The following STRN3 variants were observed in gnomAD, a reference collection of about 807,000 sequenced individuals.
STRN3 encodes the protein striatin-3.
In STRN3, 29 loss-of-function variants were observed where a neutral mutation model predicts 95.6. That is an observed-to-expected ratio of 0.30 (90% CI 0.23 to 0.41). The LOEUF (loss-of-function observed/expected upper bound fraction) is 0.41. STRN3 is among the 10% of genes least tolerant of loss of function. The pLI, the probability that STRN3 is intolerant of heterozygous loss-of-function variation, is 1.00. For synonymous variants in STRN3, 331 were observed against 357.6 expected (o/e 0.93, Z 0.84); for missense variants, 890 against 972.1 (o/e 0.92, Z 1.12).
chr14:30,906,969 T>G lies in STRN3; in HGVS notation c.1796A>C (p.Asn599Thr). ...VWGLAYSGIK[N>T]QLLSCSADGT... ...ATCTGCTGAACAAGACAGTAATTGA[T>G]TTTTTATGCCACTATAAGCAAGACC... Residue 599 changes from asparagine to threonine, a missense_variant, in exon 14 of 18, where the codon AAT (asparagine) becomes ACT (threonine). Transcript: ENST00000357479. 1 of 1,613,942 alleles carries G rather than the reference T, an allele frequency of 6.2e-7. No homozygotes were observed. The highest frequency in any genetic ancestry group is 8.5e-7 in the Non-Finnish European group (1 of 1,179,896).
intron 1 of STRN3, among the ~76,000 whole-genome samples, chr14:30,969,543 T>C (rs1471789170): frequency 1.3e-5 from 2 of 152,086 alleles, no homozygotes; most frequent in East Asian, 1.9e-4. Context: ...CACACTAATA[T>C]AAAGGTGAAA....
intron 1 of STRN3, among the ~76,000 whole-genome samples, chr14:30,993,195 C>A (rs1882042378): frequency 6.7e-6 from 1 of 148,300 alleles, no homozygotes; most frequent in Non-Finnish European, 1.5e-5. Flanking sequence ...GTTGAGGTTG[C>A]AGTGAGCTAT....
chr14:30,935,839 G>T (rs1878789074), intron 6 of STRN3, among the ~76,000 whole-genome samples: 1 of 152,178 alleles, frequency 6.6e-6, no homozygotes, highest in Admixed American at 6.5e-5. Context: ...TGATTTTGTA[G>T]ACCAGAGACT....
intron 1 of STRN3, among the ~76,000 whole-genome samples, chr14:31,009,748 A>C (rs1240082880): frequency 6.6e-6 from 1 of 152,146 alleles, no homozygotes; most frequent in African/African-American, 2.4e-5. Flanking sequence ...AAATTTAAAT[A>C]CATCATAAAA....
chr14:30,943,030 G>A (rs1277902839), intron 5 of STRN3, among the ~76,000 whole-genome samples: 1 of 152,130 alleles, frequency 6.6e-6, no homozygotes, highest in Non-Finnish European at 1.5e-5. Flanking sequence ...TTAACCATTA[G>A]GCATACTGCC....
Position 31,018,282 on chromosome 14 carries a change from G to T in STRN3, c.282+7622C>A, listed in dbSNP as rs190934786. On this transcript the variant is annotated intron_variant, in intron 1 of 17. Transcript: ENST00000357479. ...TCTACATCAGCCTGGGCCATAGTAA[G>T]CTGCTGCCACGGGGCCAGCAGGGTG... is the stretch of plus-strand genomic sequence containing the variant. Among the ~76,000 whole-genome samples, 123 of 152,278 alleles carry T rather than the reference G, an allele frequency of 8.1e-4. 2 individuals are homozygous for T. The highest frequency in any genetic ancestry group is 1.2e-3 in the East Asian group (6 of 5,182).
rs533964032 is a variant in STRN3, at chr14:31,021,106, T to C, written c.282+4798A>G. On this transcript the variant is annotated intron_variant, in intron 1 of 17. Coordinates refer to ENST00000357479, the MANE Select transcript of STRN3 (RefSeq NM_001083893.2). ...ATAGTACTAGCGATGGGGAGGATAGTGTTAACTTTAATGTGGCAAGGAATA... is the reference window on the plus strand; with the variant it reads ...ATAGTACTAGCGATGGGGAGGATAGCGTTAACTTTAATGTGGCAAGGAATA... Among the ~76,000 whole-genome samples the C allele has an allele frequency of 3.9e-5, 6 of 152,212 alleles. No individual in the cohort carries two copies. In the South Asian group the frequency reaches 1.0e-3, roughly 26 times the overall value.
chr14:30,978,309 T>C (rs1464903975), intron 1 of STRN3, among the ~76,000 whole-genome samples: 1 of 152,116 alleles, frequency 6.6e-6, no homozygotes, highest in Non-Finnish European at 1.5e-5. Flanking sequence ...CCAGGCATAC[T>C]AGACTGATTC....
intron 1 of STRN3, among the ~76,000 whole-genome samples, chr14:30,970,016 C>A (rs920281589): frequency 6.6e-6 from 1 of 152,186 alleles, no homozygotes; most frequent in South Asian, 2.1e-4. Flanking sequence ...GGACCACAGT[C>A]CCAGGGGAAA....
intron 16 of STRN3, among the ~76,000 whole-genome samples, chr14:30,902,118 C>G (rs1243918549): frequency 2.4e-5 from 3 of 125,764 alleles, no homozygotes; most frequent in Non-Finnish European, 4.7e-5. Context: ...TTGCAGTGAG[C>G]TGAGATTGCA....
At chr14:31,005,324 T>G (rs1172619672) in intron 1 of STRN3, among the ~76,000 whole-genome samples, 1 of 151,902 alleles carries the variant, frequency 6.6e-6, no homozygotes, top group African/African-American at 2.4e-5. Flanking sequence ...AGAACGAGAC[T>G]CCTCTCGTAG....
At chr14:31,024,903 C>A (rs775931810) in intron 1 of STRN3, among the ~76,000 whole-genome samples, 9 of 152,096 alleles carry the variant, frequency 5.9e-5, no homozygotes, top group Non-Finnish European at 1.3e-4. Context: ...GTTAAATAAC[C>A]CTTTCAAAAA....
At chr14:31,018,706 T>C (rs1883361600) in intron 1 of STRN3, 1 of 456,318 alleles carries the variant, frequency 2.2e-6, no homozygotes, top group African/African-American at 2.0e-5. Flanking sequence ...TTGATAAACT[T>C]GCAAAAAAAG....
At chr14:30,954,212 C>A (rs1879792069) in intron 3 of STRN3, among the ~76,000 whole-genome samples, 1 of 152,022 alleles carries the variant, frequency 6.6e-6, no homozygotes, top group African/African-American at 2.4e-5. Flanking sequence ...CTTTTTAAGT[C>A]TTTTGCCCAT....
chr14:30,937,044 G>T (rs1878857405), intron 5 of STRN3, among the ~76,000 whole-genome samples: 1 of 152,160 alleles, frequency 6.6e-6, no homozygotes, highest in African/African-American at 2.4e-5. Flanking sequence ...GGCGGGGCCA[G>T]GGACAGTGCT....
At chr14:30,922,383 A>T (rs935368075) in intron 8 of STRN3, among the ~76,000 whole-genome samples, 1 of 152,168 alleles carries the variant, frequency 6.6e-6, no homozygotes, top group African/African-American at 2.4e-5. Flanking sequence ...ACAAATACAA[A>T]GTCCTATATA....
rs113549642 is a variant in STRN3, at chr14:30,972,270, T to A, written c.283-16028A>T. Among the ~76,000 whole-genome samples the A allele has an allele frequency of 9.2e-3, 1,391 of 151,878 alleles. 22 individuals are homozygous for A. Among genetic ancestry groups the A allele is most frequent in the African/African-American group, 0.032 (1,308 of 41,190 alleles). On this transcript the variant is annotated intron_variant, in intron 1 of 17. Transcript: ENST00000357479. ...CTCATTCCAATTACCTGCTACCTGC[T>A]CTGCCCTGACCCCCGCCAAAGCACT...
intron 16 of STRN3, among the ~76,000 whole-genome samples, chr14:30,898,857 G>A (rs10047928): frequency 0.19 from 29,123 of 152,136 alleles, 3,364 homozygotes; most frequent in Middle Eastern, 0.27. Flanking sequence ...GGCTAACACT[G>A]TGGGCCTCTA....
intron 1 of STRN3, among the ~76,000 whole-genome samples, 172 bp from the exon 2 acceptor site, chr14:30,956,414 A>AG (rs1879907038): frequency 6.6e-6 from 1 of 152,246 alleles, no homozygotes; most frequent in South Asian, 2.1e-4. Context: ...GCACTTTGGT[A>AG]GGCCAAGGCA....
Sources: allele counts gnomAD v4.1 joint callset (sites outside exome capture counted in the v4.1 genomes callset), GRCh38; gene constraint gnomAD v4.1.1; transcripts MANE v1.5; gene names NCBI Gene and HGNC (gene_info 2026-07-23, HGNC 2026-07-21).